CDH10: variants seen among roughly 807,000 people sequenced by gnomAD.
CDH10 encodes the protein cadherin-10.
Under a neutral mutation model 73.1 loss-of-function variants are expected in CDH10, and 30 were observed. The observed-to-expected ratio is 0.41, with a 90% CI of 0.31 to 0.56. The LOEUF is 0.56. CDH10 is among the 20% of genes least tolerant of loss of function. The pLI is 0.27. For missense variants in CDH10, 815 were observed against 973.7 expected (o/e 0.84, Z 2.17); for synonymous variants, 345 against 348.2 (o/e 0.99, Z 0.10).
chr5:24,499,027 GT>G (rs1003993863), intron 8 of CDH10, among the ~76,000 whole-genome samples: 10 of 152,124 alleles, frequency 6.6e-5, no homozygotes, highest in Admixed American at 6.5e-4. Flanking sequence ...CGAAGAAATA[GT>G]TTTAAATAAA....
intron 9 of CDH10, among the ~76,000 whole-genome samples, chr5:24,497,500 A>G (rs1742334601): frequency 6.6e-6 from 1 of 152,210 alleles, no homozygotes; most frequent in African/African-American, 2.4e-5. Flanking sequence ...CAATTTTACC[A>G]TATTCAAACA....
In CDH10 at chr5:24,593,121, G is replaced by A. The variant is rs566050098; in HGVS notation, c.231+139C>T. On this transcript the variant is annotated intron_variant, in intron 2 of 11. Coordinates refer to ENST00000264463, the MANE Select transcript of CDH10 (RefSeq NM_006727.5). ...CACAGTTTTTATCAAATTGGAATTC[G>A]TGTTCCATAAACAAAAATCCTTTAG... 7.5e-4 allele frequency: 406 copies of A among 543,348 alleles called. 4 individuals are homozygous for A. In the South Asian group the frequency reaches 9.3e-3, roughly 12 times the overall value. 33.7% of individuals were successfully genotyped at this position (543,348 alleles called of 1,614,324 possible). A position where few individuals can be genotyped will look rare whatever the true frequency, so the allele number is the denominator to read the frequency against.
chr5:24,507,471 A>G (rs1293807151), intron 7 of CDH10, among the ~76,000 whole-genome samples: 3 of 151,618 alleles, frequency 2.0e-5, no homozygotes, highest in East Asian at 1.9e-4. Context: ...CTCATTAACT[A>G]TTTTATTTTA....
intron 5 of CDH10, among the ~76,000 whole-genome samples, chr5:24,533,834 A>G (rs191202516): frequency 4.6e-4 from 70 of 152,200 alleles, no homozygotes; most frequent in Non-Finnish European, 9.3e-4. Flanking sequence ...AAAAAAGCAT[A>G]AGCACATGCC....
At chr5:24,576,542 C>A (rs1745604421) in intron 2 of CDH10, among the ~76,000 whole-genome samples, 2 of 152,010 alleles carry the variant, frequency 1.3e-5, no homozygotes, top group African/African-American at 4.8e-5. Flanking sequence ...GTGCTCAAAA[C>A]CCAAAACGAT....
chr5:24,490,408 C>A (rs899714976), intron 11 of CDH10, among the ~76,000 whole-genome samples: 3 of 140,682 alleles, frequency 2.1e-5, no homozygotes, highest in Non-Finnish European at 4.6e-5. Flanking sequence ...TTCTGGATTT[C>A]ATTTCATAGT....
At chr5:24,528,094 G>A (rs1743595677) in intron 5 of CDH10, among the ~76,000 whole-genome samples, 1 of 151,714 alleles carries the variant, frequency 6.6e-6, no homozygotes, top group Non-Finnish European at 1.5e-5. Flanking sequence ...TCAAACTATA[G>A]GCATTGGGAA....
chr5:24,623,871 G>C (rs1747397838), intron 1 of CDH10, among the ~76,000 whole-genome samples: 1 of 152,106 alleles, frequency 6.6e-6, no homozygotes, highest in Non-Finnish European at 1.5e-5. Context: ...TGATGAAAAT[G>C]AAAAATGTAT....
chr5:24,543,898 T>C (rs1208189097), intron 2 of CDH10, among the ~76,000 whole-genome samples: 3 of 152,142 alleles, frequency 2.0e-5, no homozygotes, highest in East Asian at 1.9e-4. Flanking sequence ...ATGCTGGCAA[T>C]ATAGTCCTCC....
At chr5:24,631,359 T>G (rs189797070) in intron 1 of CDH10, among the ~76,000 whole-genome samples, 38 of 152,216 alleles carry the variant, frequency 2.5e-4, no homozygotes, top group Middle Eastern at 6.8e-3. Flanking sequence ...CATATCTTAT[T>G]GCCTAACGTG....
intron 2 of CDH10, among the ~76,000 whole-genome samples, chr5:24,575,355 C>CAAAAAAAAAA (rs751333761): frequency 3.2e-4 from 39 of 123,780 alleles, no homozygotes; most frequent in South Asian, 4.9e-4. Flanking sequence ...ACAAAAACAA[C>CAAAAAAAAAA]AAAAAAAAAA....
At chr5:24,544,360 CA>C (rs1744264869) in intron 2 of CDH10, among the ~76,000 whole-genome samples, 1 of 152,070 alleles carries the variant, frequency 6.6e-6, no homozygotes, top group Non-Finnish European at 1.5e-5. Context: ...ATTATAAAAA[CA>C]ACTATAATAA....
intron 1 of CDH10, among the ~76,000 whole-genome samples, chr5:24,633,346 G>A (rs1380698186): frequency 8.6e-5 from 13 of 151,744 alleles, no homozygotes; most frequent in South Asian, 2.1e-4. Flanking sequence ...TGGTGAATAC[G>A]TATGTTACAC....
chr5:24,554,976 C>A (rs1478967600), intron 2 of CDH10, among the ~76,000 whole-genome samples: 5 of 151,934 alleles, frequency 3.3e-5, no homozygotes, highest in Non-Finnish European at 7.4e-5. Context: ...ATTTATTAGA[C>A]CTCAATTAAT....
intron 6 of CDH10, among the ~76,000 whole-genome samples, chr5:24,510,073 G>A (rs1742846193): frequency 1.3e-5 from 2 of 152,316 alleles, no homozygotes; most frequent in South Asian, 4.1e-4. Flanking sequence ...AATTGGGATG[G>A]AAGCTGAAAC....
intron 1 of CDH10, among the ~76,000 whole-genome samples, chr5:24,621,216 A>G (rs1220417567): frequency 6.6e-6 from 1 of 152,140 alleles, no homozygotes; most frequent in Non-Finnish European, 1.5e-5. Flanking sequence ...AGTGTGCACA[A>G]GGAGTCCCAA....
chr5:24,584,954 T>C (rs1022259608), intron 2 of CDH10, among the ~76,000 whole-genome samples: 1 of 149,976 alleles, frequency 6.7e-6, no homozygotes, highest in African/African-American at 2.5e-5. Flanking sequence ...TCAGGTGATC[T>C]TTTCACCTCA....
intron 1 of CDH10, among the ~76,000 whole-genome samples, chr5:24,626,587 T>C (rs377246554): frequency 8.5e-5 from 13 of 152,140 alleles, no homozygotes; most frequent in African/African-American, 3.1e-4. Context: ...ATAACTTTGA[T>C]GTAGATTTCT....
Position 24,487,762 on chromosome 5 carries a change from A to G in CDH10, c.2268T>C (p.Thr756=), listed in dbSNP as rs554072077. Residue 756 remains threonine, a synonymous_variant, in exon 12 of 12, where the codon ACT becomes ACC. Transcript: ENST00000264463. ...ESLSSLESGT[T]EGDQNYDYLR... Reference sequence around the variant, plus strand: ...GGTAATCGTAGTTTTGGTCTCCTTCAGTAGTACCTGATTCTAATGAACTCA... The same window carrying G: ...GGTAATCGTAGTTTTGGTCTCCTTCGGTAGTACCTGATTCTAATGAACTCA... 8 of 1,613,982 alleles carry G rather than the reference A, an allele frequency of 5.0e-6. No homozygotes were observed. The South Asian group carries it at 7.7e-5, about 16-fold the overall frequency.
Sources: gnomAD v4.1 joint callset for allele counts (sites outside exome capture counted in the v4.1 genomes callset) on GRCh38, gnomAD v4.1.1 for gene constraint, MANE v1.5 for transcripts, NCBI Gene and HGNC (gene_info 2026-07-23, HGNC 2026-07-21) for gene names.